WDR7: variants seen among roughly 807,000 people sequenced by gnomAD.
The protein encoded by WDR7 is WD repeat-containing protein 7.
In WDR7, 46 loss-of-function variants were observed where a neutral mutation model predicts 169.4. That is an observed-to-expected ratio of 0.27 (90% confidence interval 0.21 to 0.35). The LOEUF is 0.35. WDR7 is among the 10% of genes least tolerant of loss of function. The pLI, the probability that WDR7 is intolerant of heterozygous loss-of-function variation, is 1.00. For missense variants in WDR7, 1,534 were observed against 1,859.3 expected (o/e 0.83, Z 3.22); for synonymous variants, 612 against 666.8 (o/e 0.92, Z 1.27).
intron 16 of WDR7, among the ~76,000 whole-genome samples, chr18:56,762,946 T>G (rs1486754380): frequency 6.6e-6 from 1 of 151,686 alleles, no homozygotes; most frequent in African/African-American, 2.4e-5. Context: ...GTTTTTTTTT[T>G]GTTTGTTTGT....
chr18:56,949,128 G>GTCTCTC (rs10537966), intron 25 of WDR7, among the ~76,000 whole-genome samples: 2,196 of 143,494 alleles, frequency 0.015, 12 homozygotes, highest in Middle Eastern at 0.035. Context: ...GTTTTCTAAA[G>GTCTCTC]TCTCTCTCTC....
downstream of WDR7, chr18:57,032,833 A>T (rs1326312826): frequency 3.2e-5 from 4 of 123,366 alleles, no homozygotes; most frequent in African/African-American, 1.1e-4. Flanking sequence ...ATATATATAT[A>T]TATATATATA....
At chr18:56,725,840 A>C (rs1345179419) in intron 13 of WDR7, among the ~76,000 whole-genome samples, 5 of 152,214 alleles carry the variant, frequency 3.3e-5, no homozygotes, top group African/African-American at 1.2e-4. Flanking sequence ...TATAAGGTAT[A>C]AGGAAGGGAT....
intron 22 of WDR7, among the ~76,000 whole-genome samples, chr18:56,925,606 G>C (rs538978630): frequency 6.6e-6 from 1 of 152,074 alleles, no homozygotes; most frequent in Non-Finnish European, 1.5e-5. Context: ...CCTTTGCTTT[G>C]CCATTCCCTT....
At chr18:56,990,794 C>G (rs997088805) in intron 26 of WDR7, among the ~76,000 whole-genome samples, 8 of 152,114 alleles carry the variant, frequency 5.3e-5, no homozygotes, top group African/African-American at 1.9e-4. Context: ...CCAGGCTCTC[C>G]CCTGCAGCCT....
At chr18:56,807,360 CAT>C (rs1421355498) in intron 19 of WDR7, among the ~76,000 whole-genome samples, 1 of 152,054 alleles carries the variant, frequency 6.6e-6, no homozygotes, top group Non-Finnish European at 1.5e-5. Flanking sequence ...GGTTGAACAA[CAT>C]AGTCTTTGGT....
intron 20 of WDR7, among the ~76,000 whole-genome samples, chr18:56,834,566 C>T (rs2045367361): frequency 6.6e-6 from 1 of 151,946 alleles, no homozygotes; most frequent in Non-Finnish European, 1.5e-5. Context: ...TTCTCTCTTC[C>T]ATTTGTATGT....
At position 56,915,708 on chromosome 18, in the gene WDR7, G is replaced by T. The variant is rs183422299; in HGVS notation, c.3527-8214G>T. ...AATACTCATGAATTATCCCTCAGGG[G>T]TGTTTGAAAAATTCTCTAAAACTCT... On this transcript the variant is annotated intron_variant, in intron 21 of 27. Coordinates refer to ENST00000254442, the MANE Select transcript of WDR7 (RefSeq NM_015285.3). 8.5e-4 allele frequency among the ~76,000 whole-genome samples: 130 copies of T among 152,258 alleles called. 1 individual carries two copies. The highest frequency in any genetic ancestry group is 2.8e-3 in the African/African-American group (117 of 41,572).
chr18:56,746,833 G>A (rs1253146381), intron 14 of WDR7, among the ~76,000 whole-genome samples: 1 of 152,056 alleles, frequency 6.6e-6, no homozygotes, highest in Non-Finnish European at 1.5e-5. Context: ...ATCCTGTGCA[G>A]TATTTTTAGC....
intron 26 of WDR7, among the ~76,000 whole-genome samples, chr18:57,008,490 G>A (rs1467268910): frequency 1.3e-5 from 2 of 151,998 alleles, no homozygotes; most frequent in Admixed American, 6.6e-5. Context: ...ACCTCTCCTC[G>A]CCCCCTGGTG....
At chr18:56,896,437 A>G (rs2046333607) in intron 21 of WDR7, among the ~76,000 whole-genome samples, 1 of 151,860 alleles carries the variant, frequency 6.6e-6, no homozygotes, top group African/African-American at 2.4e-5. Context: ...TTATGTCAAA[A>G]GCTGTTCTAA....
intron 14 of WDR7, among the ~76,000 whole-genome samples, chr18:56,744,103 G>A (rs1355141796): frequency 6.6e-6 from 1 of 151,644 alleles, no homozygotes; most frequent in Non-Finnish European, 1.5e-5. Flanking sequence ...GCTGGGCGTA[G>A]TGGCGGGCGC....
intron 21 of WDR7, among the ~76,000 whole-genome samples, chr18:56,885,085 G>C (rs751949423): frequency 6.6e-6 from 1 of 152,272 alleles, no homozygotes; most frequent in Admixed American, 6.5e-5. Flanking sequence ...ACAGTGGAAG[G>C]GGGAGAGCAG....
chr18:56,785,776 A>G (rs2044389105), intron 19 of WDR7, among the ~76,000 whole-genome samples: 2 of 151,994 alleles, frequency 1.3e-5, no homozygotes, highest in Non-Finnish European at 2.9e-5. Context: ...TAGTTTGAGA[A>G]TGTAAGGAAA....
chr18:56,785,824 CTT>C (rs1213980970), intron 19 of WDR7, among the ~76,000 whole-genome samples: 1 of 137,486 alleles, frequency 7.3e-6, no homozygotes, highest in Admixed American at 7.1e-5. Context: ...TTCTTTTTTT[CTT>C]TTTCTTTTTT....
At chr18:56,855,250 A>G (rs756772028) in intron 20 of WDR7, among the ~76,000 whole-genome samples, 37 of 150,176 alleles carry the variant, frequency 2.5e-4, no homozygotes, top group Non-Finnish European at 3.0e-4. Context: ...TTTTCCCCCC[A>G]TTGGATGGTC....
chr18:56,694,749 G>A lies in WDR7; in HGVS notation c.1097G>A (p.Gly366Glu), dbSNP rs2144636087. The change falls in exon 10 of 28, where the codon GGA becomes GAA. Residue 366 changes from glycine to glutamate, a missense_variant. Physicochemically the swap from Gly to Glu is moderately conservative, Grantham distance 98 (BLOSUM62 -2). Transcript: ENST00000254442. ...ATATCAGACACAGCTGATAAACAGG[G>A]AAGTGAAGAAGGTAATAGTAAATCA... Reference protein sequence around the residue: ...WNISDTADKQGSEEGLAMTTS... With the variant: ...WNISDTADKQESEEGLAMTTS... 1 of 1,608,546 alleles carries A rather than the reference G, an allele frequency of 6.2e-7. No individual in the cohort carries two copies. Among genetic ancestry groups the A allele is most frequent in the South Asian group, 1.1e-5 (1 of 88,924 alleles).
At chr18:56,876,165 A>G (rs1160132036) in intron 20 of WDR7, among the ~76,000 whole-genome samples, 1 of 152,102 alleles carries the variant, frequency 6.6e-6, no homozygotes, top group Non-Finnish European at 1.5e-5. Context: ...GATAAAATAA[A>G]ACAAAATACC....
At chr18:56,867,990 T>A (rs1002553300) in intron 20 of WDR7, among the ~76,000 whole-genome samples, 1 of 152,292 alleles carries the variant, frequency 6.6e-6, no homozygotes, top group South Asian at 2.1e-4. Context: ...AAAGAAATTA[T>A]GTATATAGAA....
Sources: allele counts gnomAD v4.1 joint callset (sites outside exome capture counted in the v4.1 genomes callset), GRCh38; gene constraint gnomAD v4.1.1; transcripts MANE v1.5; gene names NCBI Gene and HGNC (gene_info 2026-07-23, HGNC 2026-07-21).